HEATR1: variants seen among roughly 807,000 people sequenced by gnomAD.
HEATR1 encodes HEAT repeat containing 1, also known as HEAT repeat-containing protein 1.
In HEATR1, 77 loss-of-function variants were observed where a neutral mutation model predicts 248.2. That is an observed-to-expected ratio of 0.31 (90% confidence interval 0.26 to 0.37). The LOEUF (loss-of-function observed/expected upper bound fraction) is 0.37, where lower values mean the gene tolerates loss of function less well. Ranked by LOEUF, HEATR1 falls within the 10% of genes least tolerant of loss-of-function variation. The pLI, the probability that HEATR1 is intolerant of heterozygous loss-of-function variation, is 1.00. For missense variants in HEATR1, 2,420 were observed against 2,504.9 expected, an observed-to-expected ratio of 0.97 and a Z score of 0.72; for synonymous variants, 897 against 923.1, an observed-to-expected ratio of 0.97 and a Z score of 0.51.
chr1:236,552,713 T>G (rs934266191), intron 43 of HEATR1: 7 of 152,262 alleles, frequency 4.6e-5, no homozygotes, highest in Admixed American at 3.3e-4. Flanking sequence ...TTGTTAGCTT[T>G]TGAAACAAAA....
At chr1:236,562,757 GTC>G (rs1553281222) in intron 32 of HEATR1, among the ~76,000 whole-genome samples, 1 of 694 alleles carries the variant, frequency 1.4e-3, no homozygotes, top group Non-Finnish European at 4.3e-3. Context: ...TAAACACAGT[GTC>G]TCTCTATTTC....
intron 3 of HEATR1, among the ~76,000 whole-genome samples, chr1:236,602,072 G>A (rs1421045413): frequency 1.3e-5 from 2 of 152,036 alleles, no homozygotes; most frequent in African/African-American, 2.4e-5. Context: ...CTGGGAGGTG[G>A]AGGTTGCAGT....
chr1:236,585,726 T>TAA, intron 16 of HEATR1, 94 bp downstream of exon 16: 1 of 1,248,260 alleles, frequency 8.0e-7, no homozygotes, highest in Non-Finnish European at 1.1e-6. Flanking sequence ...ATAAAAGAAA[T>TAA]TTTTTTTAAG....
chr1:236,585,790 C>A, intron 16 of HEATR1, 30 bp downstream of exon 16: 1 of 1,600,676 alleles, frequency 6.2e-7, no homozygotes, highest in Non-Finnish European at 8.5e-7. Flanking sequence ...AGAAAGAAAT[C>A]CAGGGGGTGG....
intron 44 of HEATR1, 31 bp downstream of exon 44, chr1:236,551,968 G>T: frequency 7.3e-7 from 1 of 1,361,726 alleles, no homozygotes; most frequent in Non-Finnish European, 1.0e-6. Context: ...TTCCTTAATT[G>T]TTTAATGGTT....
chr1:236,581,466 GT>G, intron 19 of HEATR1, 52 bp from the exon 20 acceptor site: 1 of 1,310,198 alleles, frequency 7.6e-7, no homozygotes, highest in Non-Finnish European at 1.0e-6. Context: ...AAATAAGCTG[GT>G]TCCAAATCCT....
At chr1:236,553,791 T>C (rs775742779) in intron 42 of HEATR1, 52 bp from the exon 43 acceptor site, 1 of 1,546,610 alleles carries the variant, frequency 6.5e-7, no homozygotes, top group Admixed American at 2.0e-5. Context: ...TTCTTTCTTC[T>C]GTTTGAAAAA....
chr1:236,575,042 A>G lies in HEATR1; in HGVS notation c.3085-139T>C, dbSNP rs1162939375. 8 of 727,820 alleles carry G rather than the reference A, an allele frequency of 1.1e-5. No homozygotes were observed. In the African/African-American group the frequency reaches 1.2e-4, roughly 11 times the overall value. The allele number at this position is 727,820 out of a possible 1,614,324, so 45.1% of individuals were successfully genotyped here. ...ACCCAATGATGGTAACTTCTTAGAC[A>G]TGGAGACAGCTATTAATTCACACTA... is the stretch of plus-strand genomic sequence containing the variant. On this transcript the variant is annotated intron_variant, in intron 22 of 44. Coordinates refer to ENST00000366582, the MANE Select transcript of HEATR1 (RefSeq NM_018072.6).
At chr1:236,598,524 G>A (rs558723731) in intron 4 of HEATR1, among the ~76,000 whole-genome samples, 13 of 152,194 alleles carry the variant, frequency 8.5e-5, no homozygotes, top group African/African-American at 2.9e-4. Flanking sequence ...GGAGCAGCAA[G>A]ATCCAAGGTA....
At chr1:236,575,697 G>A (rs1663546873) in intron 22 of HEATR1, among the ~76,000 whole-genome samples, 1 of 152,126 alleles carries the variant, frequency 6.6e-6, no homozygotes, top group South Asian at 2.1e-4. Flanking sequence ...CTGTAACACT[G>A]GGATGAAAGA....
chr1:236,581,242 A>T lies in HEATR1; in HGVS notation c.2735T>A (p.Leu912Gln). 1 of 1,613,576 alleles carries T rather than the reference A, an allele frequency of 6.2e-7. No homozygotes were observed. Among genetic ancestry groups the T allele is most frequent in the Non-Finnish European group, 8.5e-7 (1 of 1,179,676 alleles). The stretch of plus-strand genomic sequence containing the variant: ...AATACCTGGAGAAGATATGGATGCC[A>T]GTTGGTGTTTACACTGTGTCTTCTG... ...SSQKTQCKHQ[L>Q]ASISSPVVTS... The change falls in exon 20 of 45, where the codon CTG (leucine) becomes CAG (glutamine). Residue 912 changes from leucine (L) to glutamine (Q), a missense_variant. Coordinates refer to ENST00000366582, the MANE Select transcript of HEATR1 (RefSeq NM_018072.6).
At chr1:236,571,209 A>G in intron 28 of HEATR1, 142 bp downstream of exon 28, 1 of 1,010,202 alleles carries the variant, frequency 9.9e-7, no homozygotes. Context: ...CCAGCTATGA[A>G]GAGGCAGGGC....
intron 20 of HEATR1, among the ~76,000 whole-genome samples, chr1:236,579,836 C>G (rs1663661069): frequency 6.6e-6 from 1 of 151,228 alleles, no homozygotes; most frequent in Non-Finnish European, 1.5e-5. Flanking sequence ...AAAGAACTAA[C>G]AAAAAATAAA....
intron 10 of HEATR1, 127 bp from the exon 11 acceptor site, chr1:236,592,237 A>C: frequency 5.1e-6 from 3 of 593,482 alleles, no homozygotes; most frequent in South Asian, 2.6e-5. Context: ...ATTTTAACAA[A>C]TGTTGTAGGT....
chr1:236,603,478 C>CT, intron 2 of HEATR1, 102 bp from the exon 3 acceptor site: 2 of 832,806 alleles, frequency 2.4e-6, no homozygotes, highest in South Asian at 1.6e-5. Context: ...TTTCTGAATT[C>CT]TTTAAGTACA....
rs756378530 is a variant in HEATR1, at chr1:236,604,502, C to T, written c.-113G>A. ...CCACATGGTACCAAGGAGCCCAACC[C>T]TCACCCGGAAACCTAAGGCATGCTG... On this transcript the variant is annotated 5_prime_UTR_variant, in exon 1 of 45. Transcript: ENST00000366582. The T allele has an allele frequency of 2.5e-5, 4 of 157,516 alleles. No homozygotes were observed. Among genetic ancestry groups the T allele is most frequent in the Non-Finnish European group, 5.6e-5 (4 of 71,804 alleles). The allele number at this position is 157,516 out of a possible 1,614,324, so 9.8% of individuals were successfully genotyped here. A position where few individuals can be genotyped will look rare whatever the true frequency, so the allele number is the denominator to read the frequency against.
chr1:236,551,122 A>G (rs1662720238), intron 44 of HEATR1, 132 bp from the exon 45 acceptor site: 9 of 728,792 alleles, frequency 1.2e-5, no homozygotes, highest in Middle Eastern at 8.0e-4. Context: ...GAAGCACATT[A>G]ACAAAGCAGG....
intron 26 of HEATR1, 82 bp from the exon 27 acceptor site, chr1:236,571,768 C>T: frequency 2.3e-6 from 2 of 857,850 alleles, no homozygotes. Flanking sequence ...TTGTCCAGAA[C>T]TCATTCAATA....
intron 38 of HEATR1, 54 bp downstream of exon 38, chr1:236,556,046 A>T (rs962161561): frequency 8.1e-6 from 13 of 1,608,282 alleles, no homozygotes; most frequent in African/African-American, 1.3e-5. Flanking sequence ...AAGTTTACAC[A>T]TTGCAGTACC....
Sources: allele counts gnomAD v4.1 joint callset (sites outside exome capture counted in the v4.1 genomes callset), GRCh38; gene constraint gnomAD v4.1.1; transcripts MANE v1.5; gene names NCBI Gene and HGNC (gene_info 2026-07-23, HGNC 2026-07-21).